BCAT1: variants seen among roughly 807,000 people sequenced by gnomAD.
BCAT1 encodes the protein branched-chain-amino-acid aminotransferase, cytosolic.
BCAT1 carries 48 observed loss-of-function variants against 52.4 expected under a neutral mutation model. The observed-to-expected ratio is 0.92, with a 90% CI of 0.73 to 1.16. The LOEUF (loss-of-function observed/expected upper bound fraction) is 1.16, where lower values mean the gene tolerates loss of function less well. Among genes scored for constraint, BCAT1 ranks in the 50% most tolerant of loss-of-function variants. The probability of loss-of-function intolerance (pLI) is 0.00; values close to 1 mark genes in which losing one functional copy is unlikely to be tolerated. For missense variants in BCAT1, 451 were observed against 457.1 expected, an observed-to-expected ratio of 0.99 and a Z score of 0.12; for synonymous variants, 167 against 161.3, an observed-to-expected ratio of 1.04 and a Z score of -0.27.
In BCAT1 at chr12:24,885,145, A is replaced by G. The variant is rs59146344; in HGVS notation, c.280-3734T>C. Among the ~76,000 whole-genome samples, 2,090 of 152,318 alleles carry G rather than the reference A, an allele frequency of 0.014. 104 individuals are homozygous for G. The East Asian group carries it at 0.15, about 11-fold the overall frequency. The stretch of plus-strand genomic sequence containing the variant: ...TGAAAAAATATAACTGTCATAGATC[A>G]TAAAACATAGATGATATGATTACAG... On this transcript the variant is annotated intron_variant, in intron 3 of 10. Transcript: ENST00000261192.
intron 3 of BCAT1, among the ~76,000 whole-genome samples, chr12:24,887,080 A>AAAAAAAAATATATAT (rs1245203518): frequency 1.4e-3 from 56 of 40,714 alleles, no homozygotes; most frequent in Non-Finnish European, 2.5e-3. Flanking sequence ...AAAAAAAAAA[A>AAAAAAAAATATATAT]ATATATATAT....
At chr12:24,907,123 A>G (rs1943238506) in intron 1 of BCAT1, among the ~76,000 whole-genome samples, 1 of 152,000 alleles carries the variant, frequency 6.6e-6, no homozygotes, top group Non-Finnish European at 1.5e-5. Flanking sequence ...CCCCCCACAC[A>G]TTTAATTTAT....
intron 5 of BCAT1, among the ~76,000 whole-genome samples, chr12:24,863,735 A>C (rs1378158337): frequency 6.6e-6 from 1 of 152,182 alleles, no homozygotes; most frequent in Non-Finnish European, 1.5e-5. Flanking sequence ...GTTTGAGGTG[A>C]GCCTTGGCAA....
rs1021208183 is a variant in BCAT1, at chr12:24,849,885, G to T, written c.575C>A (p.Pro192His). Reference sequence around the variant, plus strand: ...ATTAAAGGTTCCACTTGAAAAATAAGGTCCCACTGGGCTCAAGAGTACAAA... The same window carrying T: ...ATTAAAGGTTCCACTTGAAAAATAATGTCCCACTGGGCTCAAGAGTACAAA... Reference protein sequence around the residue: ...LLFVLLSPVGPYFSSGTFNPV... With the variant: ...LLFVLLSPVGHYFSSGTFNPV... Residue 192 changes from proline to histidine, a missense_variant, in exon 6 of 11, where the codon CCT becomes CAT. Transcript: ENST00000261192. 1.1e-5 allele frequency: 18 copies of T among 1,613,726 alleles called. No individual in the cohort carries two copies. Among genetic ancestry groups the T allele is most frequent in the Non-Finnish European group, 1.5e-5 (18 of 1,179,820 alleles).
At chr12:24,836,464 T>C (rs955322106) in intron 8 of BCAT1, 47 bp downstream of exon 8, 1 of 1,484,400 alleles carries the variant, frequency 6.7e-7, no homozygotes, top group African/African-American at 1.4e-5. Flanking sequence ...ATTTTGATTA[T>C]TTTTTATTTC....
intron 1 of BCAT1, 107 bp downstream of exon 1, chr12:24,948,820 T>C: frequency 2.4e-6 from 3 of 1,248,492 alleles, no homozygotes; most frequent in Non-Finnish European, 3.4e-6. Flanking sequence ...TAAGCCATGG[T>C]TGTCTCGCCT....
intron 1 of BCAT1, among the ~76,000 whole-genome samples, chr12:24,935,086 G>GC (rs1943733253): frequency 6.6e-6 from 1 of 152,160 alleles, no homozygotes; most frequent in Non-Finnish European, 1.5e-5. Flanking sequence ...TCTAGTCTGT[G>GC]CCCAAGGTGA....
intron 7 of BCAT1, among the ~76,000 whole-genome samples, chr12:24,838,108 AAT>A (rs1281549244): frequency 6.6e-6 from 1 of 152,048 alleles, no homozygotes; most frequent in Non-Finnish European, 1.5e-5. Flanking sequence ...CCTCTCCCTC[AAT>A]ACATGGTGGT....
intron 1 of BCAT1, among the ~76,000 whole-genome samples, chr12:24,908,083 G>C (rs985840729): frequency 6.6e-6 from 1 of 152,170 alleles, no homozygotes; most frequent in Non-Finnish European, 1.5e-5. Flanking sequence ...AACTGCCAAA[G>C]TTTAGAATAT....
chr12:24,874,074 G>A (rs539411039), intron 5 of BCAT1, among the ~76,000 whole-genome samples: 14 of 152,268 alleles, frequency 9.2e-5, no homozygotes, highest in African/African-American at 3.4e-4. Flanking sequence ...AGCACTTTGG[G>A]AGGCCGAGGT....
intron 7 of BCAT1, 61 bp downstream of exon 7, chr12:24,842,021 G>A: frequency 6.4e-7 from 1 of 1,570,172 alleles, no homozygotes; most frequent in Non-Finnish European, 8.7e-7. Flanking sequence ...TCTAGCTCTT[G>A]TCTTTCTGGT....
chr12:24,836,301 G>A (rs908435027), intron 8 of BCAT1: 7 of 514,672 alleles, frequency 1.4e-5, no homozygotes, highest in East Asian at 3.0e-5. Flanking sequence ...TGCTAAACTG[G>A]TTTCTCTCTG....
chr12:24,864,162 G>T (rs780975517), intron 5 of BCAT1, among the ~76,000 whole-genome samples: 35 of 152,216 alleles, frequency 2.3e-4, no homozygotes, highest in Middle Eastern at 3.4e-3. Context: ...GTTTGCTAAT[G>T]CCTTCTCTAA....
chr12:24,935,825 AC>A (rs1185959890), intron 1 of BCAT1, among the ~76,000 whole-genome samples: 2 of 152,192 alleles, frequency 1.3e-5, no homozygotes, highest in Non-Finnish European at 2.9e-5. Context: ...CCACTGTATG[AC>A]AAGGATCTTT....
intron 1 of BCAT1, among the ~76,000 whole-genome samples, chr12:24,913,431 G>A (rs1227733911): frequency 2.6e-5 from 4 of 152,232 alleles, no homozygotes; most frequent in African/African-American, 4.8e-5. Context: ...TTTGACCACA[G>A]TGCAAACGTT....
At chr12:24,896,836 T>G in intron 2 of BCAT1, among the ~76,000 whole-genome samples, 1 of 152,206 alleles carries the variant, frequency 6.6e-6, no homozygotes. Flanking sequence ...GCTAGAGTAT[T>G]CACAGTTGAA....
intron 1 of BCAT1, chr12:24,902,158 C>T (rs1240520741): frequency 1.4e-6 from 2 of 1,438,902 alleles, no homozygotes; most frequent in African/African-American, 2.9e-5. Context: ...CAGGTCAGCC[C>T]TACAGAGCCA....
intron 6 of BCAT1, among the ~76,000 whole-genome samples, chr12:24,847,310 A>G (rs981932774): frequency 5.9e-5 from 9 of 152,248 alleles, no homozygotes; most frequent in Non-Finnish European, 1.3e-4. Flanking sequence ...TTCTACCATT[A>G]CCAATGCCTC....
intron 5 of BCAT1, among the ~76,000 whole-genome samples, chr12:24,862,518 G>A (rs1045582757): frequency 1.3e-5 from 2 of 152,192 alleles, no homozygotes; most frequent in South Asian, 4.1e-4. Flanking sequence ...TTCACCTTTT[G>A]ATGTATAGGC....
Sources: allele counts gnomAD v4.1 joint callset (sites outside exome capture counted in the v4.1 genomes callset), GRCh38; gene constraint gnomAD v4.1.1; transcripts MANE v1.5; gene names NCBI Gene and HGNC (gene_info 2026-07-23, HGNC 2026-07-21).